SCAND3: variants seen among roughly 807,000 people sequenced by gnomAD.
SCAND3 encodes SCAN domain containing 3.
chr6:28,601,013 C>T, the SCAND3 span, among the ~76,000 whole-genome samples: 3 of 151,332 alleles, frequency 2.0e-5, no homozygotes, highest in South Asian at 2.1e-4. Context: ...CGCCATTCTC[C>T]TGCCTCAGCC....
chr6:28,573,438 A>G, the SCAND3 span: 1 of 1,614,122 alleles, frequency 6.2e-7, no homozygotes, highest in East Asian at 2.2e-5. Flanking sequence ...GCAAAGCACT[A>G]ATGTTTATAT....
At chr6:28,586,562 A>T in the SCAND3 span, 1 of 1,614,236 alleles carries the variant, frequency 6.2e-7, no homozygotes, top group African/African-American at 1.3e-5. The surrounding 1 kb of genome is among the most constrained non-coding windows in gnomAD (Gnocchi z 4.4). Context: ...TGAAGCGCTG[A>T]CGAGAGAGTT....
chr6:28,611,376 A>G, the SCAND3 span, among the ~76,000 whole-genome samples: 1 of 152,142 alleles, frequency 6.6e-6, no homozygotes, highest in Non-Finnish European at 1.5e-5. Flanking sequence ...TCCCTCTTCC[A>G]CCGTCCAGGT....
chr6:28,589,422 CA>C, the SCAND3 span: 1 of 152,080 alleles, frequency 6.6e-6, no homozygotes, highest in African/African-American at 2.4e-5. Context: ...TTGAATCCAG[CA>C]ATCCGAGTTC....
the SCAND3 span, among the ~76,000 whole-genome samples, chr6:28,583,948 A>C: frequency 2.0e-5 from 3 of 152,188 alleles, no homozygotes; most frequent in Non-Finnish European, 4.4e-5. Flanking sequence ...AGAGCGATAC[A>C]GCTTGGGTTG....
At chr6:28,611,943 T>C in the SCAND3 span, among the ~76,000 whole-genome samples, 1 of 152,190 alleles carries the variant, frequency 6.6e-6, no homozygotes, top group Non-Finnish European at 1.5e-5. Flanking sequence ...CACCTCTAAA[T>C]TAACCCTATG....
At chr6:28,577,484 C>A in the SCAND3 span, among the ~76,000 whole-genome samples, 1 of 152,302 alleles carries the variant, frequency 6.6e-6, no homozygotes, top group South Asian at 2.1e-4. Context: ...AAATTCCAGG[C>A]ATCTAACTAT....
the SCAND3 span, among the ~76,000 whole-genome samples, chr6:28,606,456 A>T: frequency 9.9e-5 from 15 of 152,018 alleles, no homozygotes; most frequent in Non-Finnish European, 2.1e-4. Flanking sequence ...TTTCCTACAG[A>T]TTGGTCGCCA....
At chr6:28,572,662 T>C in the SCAND3 span, 5 of 1,613,968 alleles carry the variant, frequency 3.1e-6, no homozygotes, top group African/African-American at 2.7e-5. The surrounding 1 kb of genome is among the most constrained non-coding windows in gnomAD (Gnocchi z 4.1). Flanking sequence ...TAAGAGTTCA[T>C]TTCGTATTTC....
chr6:28,595,637 G>A, the SCAND3 span, among the ~76,000 whole-genome samples: 46 of 151,906 alleles, frequency 3.0e-4, no homozygotes, highest in East Asian at 6.2e-3. Flanking sequence ...CAGGAGGATC[G>A]CATGAACCCA....
At chr6:28,580,441 C>CAA in the SCAND3 span, among the ~76,000 whole-genome samples, 15 of 124,942 alleles carry the variant, frequency 1.2e-4, no homozygotes, top group South Asian at 5.1e-4. Flanking sequence ...GACTCCGTCT[C>CAA]AAAAAAAAAA....
the SCAND3 span, among the ~76,000 whole-genome samples, chr6:28,595,593 G>A: frequency 2.0e-5 from 3 of 151,726 alleles, no homozygotes; most frequent in Non-Finnish European, 4.4e-5. Flanking sequence ...TTGGTGGCAC[G>A]TGCCTGTAGT....
the SCAND3 span, among the ~76,000 whole-genome samples, chr6:28,598,665 T>C: frequency 1.4e-4 from 21 of 149,846 alleles, no homozygotes; most frequent in African/African-American, 5.1e-4. Flanking sequence ...GCCAACATTG[T>C]GAAACCCTGT....
At chr6:28,586,763 T>A in the SCAND3 span, 1 of 1,528,706 alleles carries the variant, frequency 6.5e-7, no homozygotes, top group Non-Finnish European at 8.8e-7. This position sits in a 1 kb window ranked among gnomAD's most constrained non-coding sequence, Gnocchi z 4.4. Context: ...AGTTGGGGTC[T>A]AGGCAAATGG....
chr6:28,597,184 G>C, the SCAND3 span, among the ~76,000 whole-genome samples: 2 of 152,198 alleles, frequency 1.3e-5, no homozygotes, highest in Non-Finnish European at 2.9e-5. Flanking sequence ...AGATTTGAGA[G>C]AATCTTGTAC....
At chr6:28,577,061 C>G in the SCAND3 span, among the ~76,000 whole-genome samples, 1 of 152,078 alleles carries the variant, frequency 6.6e-6, no homozygotes, top group Admixed American at 6.6e-5. Context: ...CATATCAGCT[C>G]CCTTTTAGGG....
chr6:28,585,971 C>A, the SCAND3 span, among the ~76,000 whole-genome samples: 1 of 151,992 alleles, frequency 6.6e-6, no homozygotes, highest in African/African-American at 2.4e-5. Flanking sequence ...AGTAACAGAG[C>A]CTAGATAGCT....
the SCAND3 span, chr6:28,570,942 G>A: frequency 6.6e-6 from 1 of 152,190 alleles, no homozygotes; most frequent in African/African-American, 2.4e-5. Flanking sequence ...GCACCTTAAA[G>A]GCAATCAGTT....
chr6:28,574,522 G>A, the SCAND3 span: 7 of 848,328 alleles, frequency 8.3e-6, no homozygotes, highest in Admixed American at 4.7e-5. Flanking sequence ...CCTTCTTTGG[G>A]GGAAATATAT....
Sources: allele counts gnomAD v4.1 joint callset (sites outside exome capture counted in the v4.1 genomes callset), GRCh38; gene constraint gnomAD v4.1.1; non-coding constraint Gnocchi (gnomAD v3.1); transcripts MANE v1.5; gene names NCBI Gene and HGNC (gene_info 2026-07-23, HGNC 2026-07-21).